Variants in ACSL5 observed in about 807,000 individuals in gnomAD.
The protein encoded by ACSL5 is long-chain-fatty-acid--CoA ligase 5.
A neutral mutation model predicts 84.9 loss-of-function variants in ACSL5; 50 were observed. The observed-to-expected ratio is 0.59, with a 90% CI of 0.47 to 0.75. The LOEUF (loss-of-function observed/expected upper bound fraction) is 0.75, where lower values mean the gene tolerates loss of function less well. ACSL5 is among the 30% of genes least tolerant of loss of function. The probability of loss-of-function intolerance (pLI) is 0.00; values close to 1 mark genes in which losing one functional copy is unlikely to be tolerated. For synonymous variants in ACSL5, 280 were observed against 300.7 expected, an observed-to-expected ratio of 0.93 and a Z score of 0.71; for missense variants, 775 against 830.4, an observed-to-expected ratio of 0.93 and a Z score of 0.82.
chr10:112,411,315 T>C (rs1302626383), intron 9 of ACSL5, 141 bp from the exon 10 acceptor site: 2 of 682,398 alleles, frequency 2.9e-6, no homozygotes, highest in East Asian at 2.6e-5. Flanking sequence ...CAGAGGCATA[T>C]ACCATCCACA....
At chr10:112,390,362 T>C (rs1314779779) in intron 1 of ACSL5, among the ~76,000 whole-genome samples, 3 of 152,156 alleles carry the variant, frequency 2.0e-5, no homozygotes, top group Non-Finnish European at 4.4e-5. Context: ...AATGGCTATT[T>C]AAACAGACAA....
chr10:112,413,689 C>T (rs1028968647), intron 12 of ACSL5, among the ~76,000 whole-genome samples: 1 of 152,152 alleles, frequency 6.6e-6, no homozygotes, highest in African/African-American at 2.4e-5. Flanking sequence ...CACACCACTG[C>T]ACTCCAGCCT....
chr10:112,412,165 G>A (rs2133634462), intron 11 of ACSL5, 186 bp downstream of exon 11: 1 of 619,092 alleles, frequency 1.6e-6, no homozygotes, highest in East Asian at 2.8e-5. Context: ...GTCTTCCTCT[G>A]CTAAGTCTGC....
intron 1 of ACSL5, among the ~76,000 whole-genome samples, chr10:112,392,961 G>A (rs1216766716): frequency 6.6e-6 from 1 of 152,066 alleles, no homozygotes; most frequent in African/African-American, 2.4e-5. Context: ...ATCCCAGCCT[G>A]AAGGGAGTGG....
intron 2 of ACSL5, among the ~76,000 whole-genome samples, chr10:112,396,835 G>T (rs1437448667): frequency 6.6e-6 from 1 of 152,104 alleles, no homozygotes; most frequent in Non-Finnish European, 1.5e-5. Context: ...GCAAGACCCT[G>T]TCTTCCTTCA....
At chr10:112,411,309 G>T in intron 9 of ACSL5, 147 bp from the exon 10 acceptor site, 1 of 661,232 alleles carries the variant, frequency 1.5e-6, no homozygotes. Context: ...CCTAAACAGA[G>T]GCATATACCA....
chr10:112,395,551 A>C (rs1843728886), intron 2 of ACSL5, among the ~76,000 whole-genome samples: 1 of 152,182 alleles, frequency 6.6e-6, no homozygotes, highest in African/African-American at 2.4e-5. Flanking sequence ...TTTCATTGAG[A>C]TACCCAGTGT....
chr10:112,386,880 T>C (rs112383889), intron 1 of ACSL5, among the ~76,000 whole-genome samples: 449 of 152,334 alleles, frequency 2.9e-3, no homozygotes, highest in African/African-American at 0.01. Context: ...CTATTAACTC[T>C]CTGCATACCA....
chr10:112,388,872 G>A (rs1427067153), intron 1 of ACSL5, among the ~76,000 whole-genome samples: 1 of 152,144 alleles, frequency 6.6e-6, no homozygotes, highest in African/African-American at 2.4e-5. Flanking sequence ...TCAGATCTGG[G>A]GAAATGTTCC....
chr10:112,388,672 T>A (rs1344609559), intron 1 of ACSL5, among the ~76,000 whole-genome samples: 1 of 152,146 alleles, frequency 6.6e-6, no homozygotes, highest in African/African-American at 2.4e-5. Context: ...GAACATCAGC[T>A]CAGTTGGCAC....
chr10:112,389,641 T>C (rs1849518686), intron 1 of ACSL5, among the ~76,000 whole-genome samples: 2 of 152,168 alleles, frequency 1.3e-5, no homozygotes, highest in African/African-American at 4.8e-5. Flanking sequence ...GGGGATTCTG[T>C]GGAGTGACTA....
Position 112,406,935 on chromosome 10 carries a change from G to C in ACSL5, c.433-1487G>C, listed in dbSNP as rs185971332. On this transcript the variant is annotated intron_variant, in intron 5 of 20. Transcript: ENST00000354655. ...ATAAAGACATACCTAAGACCTGGAA[G>C]AAGAGGAGGTTTAATTGGACTTACA... Among the ~76,000 whole-genome samples, 22 of 152,286 alleles carry C rather than the reference G, an allele frequency of 1.4e-4. No homozygotes were observed. The East Asian group carries it at 4.1e-3, about 28-fold the overall frequency.
intron 5 of ACSL5, among the ~76,000 whole-genome samples, chr10:112,405,748 A>ATG (rs1317928064): frequency 6.6e-6 from 1 of 152,198 alleles, no homozygotes; most frequent in Admixed American, 6.5e-5. Flanking sequence ...GCCTTCCTTT[A>ATG]TGATAATATA....
intron 5 of ACSL5, among the ~76,000 whole-genome samples, chr10:112,407,307 T>TC (rs1324019294): frequency 1.3e-5 from 2 of 152,138 alleles, no homozygotes; most frequent in Admixed American, 1.3e-4. Context: ...CACTGCAACC[T>TC]CCACCTCCCG....
At chr10:112,410,669 G>T (rs577754209) in intron 9 of ACSL5, 34 bp downstream of exon 9, 1 of 1,599,532 alleles carries the variant, frequency 6.3e-7, no homozygotes, top group African/African-American at 1.3e-5. Flanking sequence ...TTAGACCCCT[G>T]GTCAGCCAAG....
intron 6 of ACSL5, 124 bp downstream of exon 6, chr10:112,408,645 G>C: frequency 1.4e-6 from 1 of 706,006 alleles, no homozygotes; most frequent in South Asian, 1.7e-5. Context: ...GTCGGAAAAT[G>C]TTCAAGTCTT....
chr10:112,376,267 G>C, intron 1 of ACSL5: 1 of 1,613,508 alleles, frequency 6.2e-7, no homozygotes, highest in Non-Finnish European at 8.5e-7. Context: ...ACAGCTCAGA[G>C]CAGGGCAGAA....
chr10:112,428,325 A>G lies in ACSL5; in HGVS notation c.*967A>G, dbSNP rs1269020324. 7.6e-6 allele frequency: 3 copies of G among 397,168 alleles called. No homozygotes were observed. Among genetic ancestry groups the G allele is most frequent in the Non-Finnish European group, 1.3e-5 (3 of 225,288 alleles). 24.6% of individuals were successfully genotyped at this position (397,168 alleles called of 1,614,324 possible). On this transcript the variant is annotated 3_prime_UTR_variant, in exon 21 of 21. Transcript: ENST00000354655. Reference sequence around the variant, plus strand: ...GCTCTACCTTACCCACAGATAACACATGTTGTTTCTACTTGTAAATGTAAA... The same window carrying G: ...GCTCTACCTTACCCACAGATAACACGTGTTGTTTCTACTTGTAAATGTAAA...
chr10:112,375,838 A>G (rs1849227481), intron 1 of ACSL5, among the ~76,000 whole-genome samples: 2 of 152,182 alleles, frequency 1.3e-5, no homozygotes. Flanking sequence ...AGACCAAGGC[A>G]GGCAGCTCTG....
Sources: gnomAD v4.1 joint callset for allele counts (sites outside exome capture counted in the v4.1 genomes callset) on GRCh38, gnomAD v4.1.1 for gene constraint, MANE v1.5 for transcripts, NCBI Gene and HGNC (gene_info 2026-07-23, HGNC 2026-07-21) for gene names.